MMP26: variants seen among roughly 807,000 people sequenced by gnomAD.
MMP26 encodes the protein matrix metalloproteinase-26.
In MMP26, 33 loss-of-function variants were observed where a neutral mutation model predicts 31.0. The ratio of observed to expected loss-of-function variants is 1.06; its 90% CI spans 0.81 to 1.42. The LOEUF (loss-of-function observed/expected upper bound fraction) is 1.42, where lower values mean the gene tolerates loss of function less well. Among genes scored for constraint, MMP26 ranks in the 40% most tolerant of loss-of-function variants. The pLI is 0.00. For synonymous variants in MMP26, 122 were observed against 114.9 expected, an observed-to-expected ratio of 1.06 and a Z score of -0.40; for missense variants, 347 against 316.1, an observed-to-expected ratio of 1.10 and a Z score of -0.74.
intron 2 of MMP26, among the ~76,000 whole-genome samples, chr11:4,835,751 T>G (rs1411522353): frequency 6.6e-6 from 1 of 152,188 alleles, no homozygotes; most frequent in Non-Finnish European, 1.5e-5. Context: ...AAGTTGCAGC[T>G]TTCTGTCTAT....
At chr11:4,852,297 T>G (rs2133501148) in intron 2 of MMP26, among the ~76,000 whole-genome samples, 1 of 152,024 alleles carries the variant, frequency 6.6e-6, no homozygotes, top group African/African-American at 2.4e-5. Context: ...ATAAAACAAT[T>G]GAAAAAAATA....
At chr11:4,799,366 G>A (rs1394108510) in intron 2 of MMP26, among the ~76,000 whole-genome samples, 1 of 151,720 alleles carries the variant, frequency 6.6e-6, no homozygotes, top group Non-Finnish European at 1.5e-5. Flanking sequence ...GCAGGAGAGA[G>A]AAGGGGGGGG....
At chr11:4,903,513 C>G (rs900244475) in intron 2 of MMP26, among the ~76,000 whole-genome samples, 17 of 152,110 alleles carry the variant, frequency 1.1e-4, no homozygotes, top group African/African-American at 4.1e-4. Flanking sequence ...TATTTTCCAA[C>G]CTCTACAAAT....
intron 1 of MMP26, chr11:4,722,994 C>A: frequency 1.2e-6 from 1 of 864,776 alleles, no homozygotes; most frequent in Non-Finnish European, 2.0e-6. Flanking sequence ...CGGCTCTCCT[C>A]GCCATCCAGC....
At chr11:4,882,031 C>G (rs906430825) in intron 2 of MMP26, 10 of 1,613,782 alleles carry the variant, frequency 6.2e-6, no homozygotes, top group African/African-American at 1.3e-5. Context: ...TCTTGGGAAA[C>G]AGTATGATCT....
intron 1 of MMP26, chr11:4,736,274 A>G (rs1848239097): frequency 6.6e-6 from 1 of 152,128 alleles, no homozygotes; most frequent in South Asian, 2.1e-4. Flanking sequence ...CATTGGCCAT[A>G]AGAGTGTGGG....
chr11:4,799,681 A>G (rs1849155703), intron 2 of MMP26, among the ~76,000 whole-genome samples: 1 of 152,192 alleles, frequency 6.6e-6, no homozygotes, highest in Non-Finnish European at 1.5e-5. Context: ...CCTAAGTCTC[A>G]TCTGGGACTC....
chr11:4,800,050 C>G (rs1279087066), intron 2 of MMP26, among the ~76,000 whole-genome samples: 5 of 152,184 alleles, frequency 3.3e-5, no homozygotes, highest in Non-Finnish European at 7.3e-5. Flanking sequence ...ATGCAAGCTA[C>G]TGTTGGCTCT....
intron 1 of MMP26, among the ~76,000 whole-genome samples, chr11:4,751,376 A>C (rs1279869665): frequency 1.3e-5 from 2 of 152,178 alleles, no homozygotes; most frequent in Non-Finnish European, 2.9e-5. Flanking sequence ...AATTATGAGG[A>C]GAGAACAAAT....
At chr11:4,879,265 G>A (rs1850426200) in intron 2 of MMP26, among the ~76,000 whole-genome samples, 1 of 152,060 alleles carries the variant, frequency 6.6e-6, no homozygotes, top group South Asian at 2.1e-4. Flanking sequence ...AGCCAGGGTA[G>A]ATTAGATATA....
chr11:4,911,820 C>CT (rs1850996267), intron 2 of MMP26, among the ~76,000 whole-genome samples: 1 of 152,142 alleles, frequency 6.6e-6, no homozygotes, highest in African/African-American at 2.4e-5. Flanking sequence ...ATTTACTGTG[C>CT]TGTTGTCTGT....
intron 2 of MMP26, among the ~76,000 whole-genome samples, chr11:4,844,497 G>A (rs55963722): frequency 0.046 from 6,939 of 152,112 alleles, 522 homozygotes; most frequent in African/African-American, 0.16. Flanking sequence ...GATAAATGTT[G>A]ATGCAAAAAT....
At chr11:4,989,520 A>C (rs1846960460) in intron 3 of MMP26, 128 bp from the exon 4 acceptor site, 2 of 655,054 alleles carry the variant, frequency 3.1e-6, no homozygotes, top group Non-Finnish European at 2.6e-6. Context: ...GACTGAGAAC[A>C]GGAGACTTAG....
chr11:4,901,245 GC>G (rs1463072200), intron 2 of MMP26, among the ~76,000 whole-genome samples: 1 of 138,604 alleles, frequency 7.2e-6, no homozygotes, highest in Non-Finnish European at 1.5e-5. Context: ...TGCAAGCTCT[GC>G]CCCCCGGGGT....
intron 2 of MMP26, among the ~76,000 whole-genome samples, chr11:4,865,558 C>T (rs1377451234): frequency 6.6e-6 from 1 of 152,078 alleles, no homozygotes. Flanking sequence ...AAATACCACT[C>T]TCCCACCATT....
At chr11:4,774,061 C>T (rs1468737672) in intron 2 of MMP26, among the ~76,000 whole-genome samples, 1 of 152,192 alleles carries the variant, frequency 6.6e-6, no homozygotes, top group Non-Finnish European at 1.5e-5. Flanking sequence ...TGGGTTAACT[C>T]CATGTCCTTA....
Position 4,810,406 on chromosome 11 carries a change from T to G in MMP26, c.-145+43065T>G, listed in dbSNP as rs926902677. On this transcript the variant is annotated intron_variant, in intron 2 of 7. Coordinates refer to ENST00000380390, the MANE Select transcript of MMP26 (RefSeq NM_021801.5). Reference sequence around the variant, plus strand: ...AGAGGAGTATTTGTGTGAATAAGCGTAAGTGTATATCAAATTATGAATCAT... The same window carrying G: ...AGAGGAGTATTTGTGTGAATAAGCGGAAGTGTATATCAAATTATGAATCAT... Among the ~76,000 whole-genome samples, 5 of 151,942 alleles carry G rather than the reference T, an allele frequency of 3.3e-5. No homozygotes were observed. The South Asian group carries it at 8.3e-4, about 25-fold the overall frequency.
At chr11:4,785,393 T>G (rs1419970133) in intron 2 of MMP26, among the ~76,000 whole-genome samples, 4 of 152,216 alleles carry the variant, frequency 2.6e-5, no homozygotes, top group Non-Finnish European at 1.5e-5. Flanking sequence ...TAAAGTTCCT[T>G]GAACACAGAT....
At chr11:4,831,597 T>C (rs576209592) in intron 2 of MMP26, among the ~76,000 whole-genome samples, 2 of 152,232 alleles carry the variant, frequency 1.3e-5, no homozygotes, top group Admixed American at 1.3e-4. Flanking sequence ...TGAGTTTGAC[T>C]CTGCATTACA....
Sources: gnomAD v4.1 joint callset for allele counts (sites outside exome capture counted in the v4.1 genomes callset) on GRCh38, gnomAD v4.1.1 for gene constraint, MANE v1.5 for transcripts, NCBI Gene and HGNC (gene_info 2026-07-23, HGNC 2026-07-21) for gene names.